DRC11: variants seen among roughly 807,000 people sequenced by gnomAD.
The protein encoded by DRC11 is dynein regulatory complex subunit 11.
chr2:236,449,256 G>A, the DRC11 span, among the ~76,000 whole-genome samples: 3 of 152,214 alleles, frequency 2.0e-5, no homozygotes, highest in South Asian at 6.2e-4. The surrounding 1 kb of genome is among the most constrained non-coding windows in gnomAD (Gnocchi z 5.1). Flanking sequence ...TTCTGAGCGA[G>A]AGAACTGGGA....
At chr2:236,481,038 G>A in the DRC11 span, among the ~76,000 whole-genome samples, 1 of 152,218 alleles carries the variant, frequency 6.6e-6, no homozygotes, top group Non-Finnish European at 1.5e-5. Context: ...GGATATCCCT[G>A]CTATGCAGGA....
the DRC11 span, chr2:236,363,979 C>A: frequency 1.2e-6 from 2 of 1,611,090 alleles, no homozygotes; most frequent in East Asian, 2.2e-5. This position sits in a 1 kb window ranked among gnomAD's most constrained non-coding sequence, Gnocchi z 5.6. Context: ...TGCTGCAGAA[C>A]CTAAAAAAGG....
At chr2:236,372,532 T>C in the DRC11 span, among the ~76,000 whole-genome samples, 1 of 152,196 alleles carries the variant, frequency 6.6e-6, no homozygotes, top group Non-Finnish European at 1.5e-5. This position sits in a 1 kb window ranked among gnomAD's most constrained non-coding sequence, Gnocchi z 4.5. Flanking sequence ...TAAATGATCA[T>C]TAGCAGCGAG....
At chr2:236,450,021 C>A in the DRC11 span, among the ~76,000 whole-genome samples, 2 of 152,286 alleles carry the variant, frequency 1.3e-5, no homozygotes, top group Admixed American at 6.5e-5. Flanking sequence ...AGGCATGCGA[C>A]TGGAGGGAGG....
At chr2:236,331,851 A>G in the DRC11 span, 1 of 478,494 alleles carries the variant, frequency 2.1e-6, no homozygotes, top group Non-Finnish European at 3.8e-6. The surrounding 1 kb of genome is among the most constrained non-coding windows in gnomAD (Gnocchi z 4.8). Context: ...AACAAGGAGA[A>G]ACACAAAACC....
the DRC11 span, among the ~76,000 whole-genome samples, chr2:236,491,233 A>ACACACAG: frequency 1.4e-5 from 1 of 69,386 alleles, no homozygotes. Context: ...ATATATATAT[A>ACACACAG]TATATATACA....
At chr2:236,465,720 T>A in the DRC11 span, 8 of 1,558,898 alleles carry the variant, frequency 5.1e-6, no homozygotes, top group African/African-American at 9.5e-5. This position sits in a 1 kb window ranked among gnomAD's most constrained non-coding sequence, Gnocchi z 6.2. Flanking sequence ...TCTGAAAATA[T>A]ATACAAGCAA....
chr2:236,354,771 T>C, the DRC11 span, among the ~76,000 whole-genome samples: 1 of 152,168 alleles, frequency 6.6e-6, no homozygotes, highest in Non-Finnish European at 1.5e-5. Context: ...TTTCCACACC[T>C]GACTGACACA....
At chr2:236,357,497 A>C in the DRC11 span, among the ~76,000 whole-genome samples, 1 of 127,534 alleles carries the variant, frequency 7.8e-6, no homozygotes, top group African/African-American at 3.1e-5. Context: ...TTATAAATAC[A>C]TATTTACATA....
At chr2:236,332,692 TCTA>T in the DRC11 span, 49 of 152,336 alleles carry the variant, frequency 3.2e-4, no homozygotes, top group African/African-American at 1.2e-3. The surrounding 1 kb of genome is among the most constrained non-coding windows in gnomAD (Gnocchi z 5.1). Flanking sequence ...AATGAAAAGA[TCTA>T]CTTACTATAA....
At chr2:236,313,719 A>G in the DRC11 span, among the ~76,000 whole-genome samples, 1 of 152,222 alleles carries the variant, frequency 6.6e-6, no homozygotes, top group Non-Finnish European at 1.5e-5. The surrounding 1 kb of genome is among the most constrained non-coding windows in gnomAD (Gnocchi z 4.5). Context: ...ATAAAATACT[A>G]TCAAACAATA....
the DRC11 span, among the ~76,000 whole-genome samples, chr2:236,340,583 A>G: frequency 1.3e-5 from 2 of 152,132 alleles, no homozygotes; most frequent in South Asian, 2.1e-4. Flanking sequence ...TGAGCTGCCC[A>G]AAGAACAGTG....
chr2:236,493,749 G>A, the DRC11 span: 1 of 1,563,774 alleles, frequency 6.4e-7, no homozygotes, highest in Non-Finnish European at 8.7e-7. Flanking sequence ...ATTAATGTTT[G>A]TTAAAATGAT....
the DRC11 span, among the ~76,000 whole-genome samples, chr2:236,411,279 A>G: frequency 6.6e-6 from 1 of 152,130 alleles, no homozygotes; most frequent in Non-Finnish European, 1.5e-5. Context: ...TATGCAGCCA[A>G]AAAACACATG....
chr2:236,414,699 T>G, the DRC11 span, among the ~76,000 whole-genome samples: 1 of 152,232 alleles, frequency 6.6e-6, no homozygotes, highest in Admixed American at 6.5e-5. Context: ...TGTTTTCTTC[T>G]GTCTTTCAGT....
the DRC11 span, among the ~76,000 whole-genome samples, chr2:236,347,448 C>T: frequency 3.3e-5 from 5 of 150,006 alleles, no homozygotes; most frequent in African/African-American, 9.8e-5. Context: ...GCACAATGCA[C>T]AATTGCAAAA....
chr2:236,459,535 G>GTATATATGTGTATACATACATA, the DRC11 span, among the ~76,000 whole-genome samples: 1 of 106,286 alleles, frequency 9.4e-6, no homozygotes, highest in African/African-American at 3.7e-5. Context: ...ACATGTATAC[G>GTATATATGTGTATACATACATA]TATACGTATA....
At chr2:236,392,285 C>G in the DRC11 span, 1 of 1,597,656 alleles carries the variant, frequency 6.3e-7, no homozygotes, top group East Asian at 2.2e-5. The surrounding 1 kb of genome is among the most constrained non-coding windows in gnomAD (Gnocchi z 5.1). Flanking sequence ...CGTTTCTCCT[C>G]TTTGATCAGT....
At chr2:236,491,031 GTA>G in the DRC11 span, among the ~76,000 whole-genome samples, 226 of 133,624 alleles carry the variant, frequency 1.7e-3, 4 homozygotes, top group African/African-American at 6.3e-3. Flanking sequence ...ATATATGTGT[GTA>G]TATATATATA....
Sources: gnomAD v4.1 joint callset for allele counts (sites outside exome capture counted in the v4.1 genomes callset) on GRCh38, gnomAD v4.1.1 for gene constraint, Gnocchi (gnomAD v3.1) non-coding constraint, MANE v1.5 for transcripts, NCBI Gene and HGNC (gene_info 2026-07-23, HGNC 2026-07-21) for gene names.